Variants in GFRA1 observed in about 807,000 individuals in gnomAD.
GFRA1 encodes the protein GDNF family receptor alpha 1.
In GFRA1, 16 loss-of-function variants were observed where a neutral mutation model predicts 51.6. That is an observed-to-expected ratio of 0.31 (90% CI 0.21 to 0.47). The LOEUF is 0.47. GFRA1 is among the 20% of genes least tolerant of loss of function. GFRA1 has a pLI of 1.00. For synonymous variants in GFRA1, 270 were observed against 241.3 expected, an observed-to-expected ratio of 1.12 and a Z score of -1.10; for missense variants, 530 against 594.3, an observed-to-expected ratio of 0.89 and a Z score of 1.13.
At chr10:116,098,774 C>A (rs973940891) in intron 6 of GFRA1, among the ~76,000 whole-genome samples, 1 of 152,212 alleles carries the variant, frequency 6.6e-6, no homozygotes, top group African/African-American at 2.4e-5. Context: ...GAGACTAATG[C>A]CACCAGACTC....
chr10:116,267,792 A>G (rs543701630), intron 4 of GFRA1, among the ~76,000 whole-genome samples: 1 of 152,330 alleles, frequency 6.6e-6, no homozygotes, highest in African/African-American at 2.4e-5. Flanking sequence ...TCCACTGCTT[A>G]AACCATTGTC....
intron 5 of GFRA1, among the ~76,000 whole-genome samples, chr10:116,189,334 T>C (rs935242510): frequency 6.6e-6 from 1 of 152,176 alleles, no homozygotes; most frequent in Admixed American, 6.5e-5. Context: ...AGGAAATTCC[T>C]TGACCAACAC....
At position 116,096,786 on chromosome 10, in the gene GFRA1, G is replaced by C; in HGVS notation, c.771-22C>G. 4 of 1,340,374 alleles carry C rather than the reference G, an allele frequency of 3.0e-6. No homozygotes were observed. The South Asian group carries it at 3.6e-5, about 12-fold the overall frequency. 83.0% of individuals were successfully genotyped at this position (1,340,374 alleles called of 1,614,324 possible). On this transcript the variant is annotated intron_variant, in intron 6 of 10. Coordinates refer to ENST00000355422, the MANE Select transcript of GFRA1 (RefSeq NM_005264.8). The stretch of plus-strand genomic sequence containing the variant: ...AGATCTACAATAGGAAAAAAGGGGT[G>C]GGGGGTGGAAATGTGCTTTAAAACA...
At chr10:116,214,134 T>G (rs538806626) in intron 4 of GFRA1, among the ~76,000 whole-genome samples, 12 of 152,010 alleles carry the variant, frequency 7.9e-5, no homozygotes, top group African/African-American at 2.9e-4. Context: ...CTGGAACCCA[T>G]AGTCTGCACC....
chr10:116,261,143 G>T (rs997095239), intron 4 of GFRA1, among the ~76,000 whole-genome samples: 5 of 152,160 alleles, frequency 3.3e-5, no homozygotes, highest in African/African-American at 1.2e-4. Flanking sequence ...GTATCCTAAG[G>T]GGGGAGCACA....
At chr10:116,123,932 A>G (rs962280318) in intron 6 of GFRA1, among the ~76,000 whole-genome samples, 1 of 152,186 alleles carries the variant, frequency 6.6e-6, no homozygotes, top group African/African-American at 2.4e-5. Flanking sequence ...GTTTTGAGAC[A>G]GGGTCTCACT....
At chr10:116,215,313 A>C (rs1230689410) in intron 4 of GFRA1, among the ~76,000 whole-genome samples, 1 of 152,172 alleles carries the variant, frequency 6.6e-6, no homozygotes, top group Non-Finnish European at 1.5e-5. Flanking sequence ...CAAACTGTGG[A>C]TGTCAAAGGA....
At chr10:116,243,056 A>C (rs1967533674) in intron 4 of GFRA1, among the ~76,000 whole-genome samples, 1 of 152,166 alleles carries the variant, frequency 6.6e-6, no homozygotes, top group African/African-American at 2.4e-5. Context: ...GCACCAAGGA[A>C]AATATTTACG....
chr10:116,197,509 T>C (rs1003438513), intron 5 of GFRA1, among the ~76,000 whole-genome samples: 1 of 152,212 alleles, frequency 6.6e-6, no homozygotes, highest in Non-Finnish European at 1.5e-5. Flanking sequence ...CTGTCATTTA[T>C]ACATGTGTGT....
At chr10:116,128,962 C>T (rs1957990643) in intron 5 of GFRA1, among the ~76,000 whole-genome samples, 4 of 152,082 alleles carry the variant, frequency 2.6e-5, no homozygotes, top group Admixed American at 2.6e-4. Flanking sequence ...GACTTAGCCT[C>T]ACTTTCTACT....
At chr10:116,097,469 C>G (rs770481080) in intron 6 of GFRA1, among the ~76,000 whole-genome samples, 8 of 152,122 alleles carry the variant, frequency 5.3e-5, no homozygotes, top group Non-Finnish European at 1.2e-4. Flanking sequence ...TCTCCAGGGG[C>G]CGGTGCAGTC....
chr10:116,195,719 T>C (rs531461425), intron 5 of GFRA1, among the ~76,000 whole-genome samples: 191 of 152,296 alleles, frequency 1.3e-3, no homozygotes, highest in African/African-American at 4.2e-3. Flanking sequence ...GATTGCTATA[T>C]CAGGGAAAGG....
At chr10:116,245,079 T>C (rs1234011638) in intron 4 of GFRA1, among the ~76,000 whole-genome samples, 1 of 152,078 alleles carries the variant, frequency 6.6e-6, no homozygotes, top group African/African-American at 2.4e-5. Flanking sequence ...AGAAAATAAT[T>C]GCCAAACTAG....
At chr10:116,161,187 GCA>G (rs1205786191) in intron 5 of GFRA1, among the ~76,000 whole-genome samples, 1 of 152,168 alleles carries the variant, frequency 6.6e-6, no homozygotes, top group Non-Finnish European at 1.5e-5. Flanking sequence ...GCATCTTGAA[GCA>G]CAGTCTGGGA....
intron 9 of GFRA1, among the ~76,000 whole-genome samples, chr10:116,068,649 T>C (rs1347098697): frequency 6.6e-6 from 1 of 152,182 alleles, no homozygotes; most frequent in Non-Finnish European, 1.5e-5. Flanking sequence ...AATCTACCTC[T>C]GCAGATCCAG....
At chr10:116,270,722 G>A in intron 3 of GFRA1, 100 bp downstream of exon 3, 3 of 963,236 alleles carry the variant, frequency 3.1e-6, no homozygotes, top group South Asian at 3.0e-5. Context: ...CTGCAGCTGG[G>A]GAGAAGTGAG....
intron 5 of GFRA1, among the ~76,000 whole-genome samples, chr10:116,201,159 G>A (rs1427192932): frequency 1.3e-5 from 2 of 152,080 alleles, no homozygotes; most frequent in East Asian, 3.9e-4. Context: ...TCTTAAGGAG[G>A]TGGAATTCCA....
chr10:116,088,001 T>A (rs1354102246), intron 9 of GFRA1, among the ~76,000 whole-genome samples: 4 of 151,982 alleles, frequency 2.6e-5, no homozygotes, highest in African/African-American at 9.7e-5. Flanking sequence ...ATGAAGCACA[T>A]CTGTTTGACC....
chr10:116,208,430 C>T (rs1217938625), intron 5 of GFRA1, among the ~76,000 whole-genome samples: 1 of 152,158 alleles, frequency 6.6e-6, no homozygotes, highest in Non-Finnish European at 1.5e-5. Context: ...GCCCTGCGCA[C>T]ATGTACTGGC....
Sources: allele counts gnomAD v4.1 joint callset (sites outside exome capture counted in the v4.1 genomes callset), GRCh38; gene constraint gnomAD v4.1.1; transcripts MANE v1.5; gene names NCBI Gene and HGNC (gene_info 2026-07-23, HGNC 2026-07-21).